FRMD4A: variants seen among roughly 807,000 people sequenced by gnomAD.
The protein encoded by FRMD4A is FERM domain containing 4A.
In FRMD4A, 29 loss-of-function variants were observed where a neutral mutation model predicts 129.1. The ratio of observed to expected loss-of-function variants is 0.22; its 90% CI spans 0.17 to 0.31. The LOEUF (loss-of-function observed/expected upper bound fraction) is 0.31, where lower values mean the gene tolerates loss of function less well. Among genes scored for constraint, FRMD4A ranks in the 10% least tolerant of loss-of-function variants. The pLI, the probability that FRMD4A is intolerant of heterozygous loss-of-function variation, is 1.00. For synonymous variants in FRMD4A, 634 were observed against 571.6 expected (o/e 1.11, Z -1.56); for missense variants, 1,272 against 1,375.8 (o/e 0.92, Z 1.19).
At chr10:14,091,728 T>C (rs1836673257) in intron 2 of FRMD4A, among the ~76,000 whole-genome samples, 1 of 152,220 alleles carries the variant, frequency 6.6e-6, no homozygotes, top group Non-Finnish European at 1.5e-5. Context: ...CCACCGTGCC[T>C]GGCCCATTCT....
chr10:13,958,284 T>A (rs912524244), intron 2 of FRMD4A, among the ~76,000 whole-genome samples: 31 of 143,030 alleles, frequency 2.2e-4, no homozygotes, highest in Non-Finnish European at 3.9e-4. Context: ...GACCATTGTT[T>A]TTTTTTTTTT....
intron 2 of FRMD4A, among the ~76,000 whole-genome samples, chr10:14,033,511 A>G (rs1301114948): frequency 6.6e-6 from 1 of 151,498 alleles, no homozygotes; most frequent in Admixed American, 6.6e-5. Context: ...TAGGCCGGGC[A>G]TGGTGGCTCA....
chr10:13,891,696 T>G, intron 2 of FRMD4A: 1 of 984,910 alleles, frequency 1.0e-6, no homozygotes. Flanking sequence ...GGAACGGGCG[T>G]CCCATTCGCC....
At chr10:13,654,577 G>A (rs960565754) in intron 22 of FRMD4A, 65 bp from the exon 23 acceptor site, 6 of 1,024,358 alleles carry the variant, frequency 5.9e-6, no homozygotes, top group Non-Finnish European at 7.5e-6. Context: ...GAAAGAGCTT[G>A]CGACTTGTTG....
At chr10:13,953,625 G>T (rs147122199) in intron 2 of FRMD4A, among the ~76,000 whole-genome samples, 5 of 152,190 alleles carry the variant, frequency 3.3e-5, no homozygotes, top group Admixed American at 3.3e-4. Context: ...ACTGTCTTGA[G>T]GTCATAGTAC....
chr10:14,157,330 C>G (rs1178353138), intron 2 of FRMD4A, among the ~76,000 whole-genome samples: 1 of 152,198 alleles, frequency 6.6e-6, no homozygotes, highest in African/African-American at 2.4e-5. Flanking sequence ...CTCTTTCTTC[C>G]TGAGGAATCA....
intron 3 of FRMD4A, among the ~76,000 whole-genome samples, chr10:13,834,322 A>AAACC (rs1564881037): frequency 2.6e-5 from 4 of 151,864 alleles, no homozygotes; most frequent in Non-Finnish European, 4.4e-5. Context: ...AAAACAAAAC[A>AAACC]AAACCAAACC....
intron 2 of FRMD4A, among the ~76,000 whole-genome samples, chr10:14,323,745 T>C (rs1261176332): frequency 6.6e-6 from 1 of 152,172 alleles, no homozygotes; most frequent in African/African-American, 2.4e-5. Context: ...CTAGACACAT[T>C]AGCCAGCCTG....
intron 2 of FRMD4A, among the ~76,000 whole-genome samples, chr10:14,306,170 T>C (rs1846344972): frequency 6.6e-6 from 1 of 152,242 alleles, no homozygotes; most frequent in Non-Finnish European, 1.5e-5. Context: ...GGGGAAATCT[T>C]TTTTAAAAAA....
intron 2 of FRMD4A, among the ~76,000 whole-genome samples, chr10:14,234,903 C>T (rs1440586374): frequency 6.6e-6 from 1 of 152,216 alleles, no homozygotes; most frequent in African/African-American, 2.4e-5. Flanking sequence ...CCACGAATTA[C>T]AGGGAATTTT....
intron 2 of FRMD4A, among the ~76,000 whole-genome samples, chr10:14,170,882 A>T (rs1310105942): frequency 6.6e-6 from 1 of 151,110 alleles, no homozygotes; most frequent in African/African-American, 2.4e-5. Context: ...TTTTGATGCC[A>T]CAGTTTCTTC....
chr10:13,788,537 C>T (rs1357194804), intron 5 of FRMD4A, among the ~76,000 whole-genome samples: 1 of 152,200 alleles, frequency 6.6e-6, no homozygotes, highest in East Asian at 1.9e-4. Flanking sequence ...GCTGGCCTCA[C>T]CACAGCTGAA....
At chr10:14,089,281 C>T (rs956130929) in intron 2 of FRMD4A, among the ~76,000 whole-genome samples, 3 of 152,126 alleles carry the variant, frequency 2.0e-5, no homozygotes, top group Non-Finnish European at 4.4e-5. Context: ...GAGTGCCCAG[C>T]GTGACCACCG....
chr10:13,756,971 T>C (rs2091891796), intron 8 of FRMD4A, among the ~76,000 whole-genome samples: 1 of 152,224 alleles, frequency 6.6e-6, no homozygotes, highest in Non-Finnish European at 1.5e-5. Flanking sequence ...AGTTTTTCTA[T>C]CATAACCCAA....
chr10:14,128,035 C>CT (rs1564319837), intron 2 of FRMD4A, among the ~76,000 whole-genome samples: 1 of 121,020 alleles, frequency 8.3e-6, no homozygotes, highest in African/African-American at 3.4e-5. Context: ...TTCCTTCCTT[C>CT]CTTTCTTTCC....
chr10:14,083,853 CCTT>C (rs1047981001), intron 2 of FRMD4A: 5 of 152,120 alleles, frequency 3.3e-5, no homozygotes, highest in African/African-American at 9.7e-5. Context: ...CGGGTAGACA[CCTT>C]CTCCCCACCT....
chr10:13,654,643 C>T lies in FRMD4A; in HGVS notation c.2954-131G>A, dbSNP rs974875988. ...CATTTCCAGGGATGCTGGGAAGGAC[C>T]CCAGAGCAGGGTCTCAGCATCCCTA... is the stretch of plus-strand genomic sequence containing the variant. On this transcript the variant is annotated intron_variant, in intron 22 of 24. Transcript: ENST00000357447. The T allele has an allele frequency of 6.3e-6, 4 of 634,310 alleles. No individual in the cohort carries two copies. In the Admixed American group the frequency reaches 8.3e-5, roughly 13 times the overall value. The allele number at this position is 634,310 out of a possible 1,614,324, so 39.3% of individuals were successfully genotyped here.
intron 2 of FRMD4A, among the ~76,000 whole-genome samples, chr10:14,324,513 T>C (rs571188783): frequency 6.6e-6 from 1 of 152,228 alleles, no homozygotes; most frequent in Non-Finnish European, 1.5e-5. Context: ...ATGGCCCCAT[T>C]CTGTATACAG....
At chr10:13,746,874 T>C (rs931385005) in intron 9 of FRMD4A, among the ~76,000 whole-genome samples, 1 of 152,148 alleles carries the variant, frequency 6.6e-6, no homozygotes, top group African/African-American at 2.4e-5. Context: ...AACCACAACC[T>C]GGGAGTCTTT....
Sources: allele counts gnomAD v4.1 joint callset (sites outside exome capture counted in the v4.1 genomes callset), GRCh38; gene constraint gnomAD v4.1.1; transcripts MANE v1.5; gene names NCBI Gene and HGNC (gene_info 2026-07-23, HGNC 2026-07-21).